The following ASAP1 variants were observed in gnomAD, a reference collection of about 807,000 sequenced individuals.
ASAP1 encodes arf-GAP with SH3 domain, ANK repeat and PH domain-containing protein 1.
Under a neutral mutation model 145.2 loss-of-function variants are expected in ASAP1, and 43 were observed. The ratio of observed to expected loss-of-function variants is 0.30; its 90% CI spans 0.23 to 0.38. The LOEUF is 0.38. ASAP1 is among the 10% of genes least tolerant of loss of function. ASAP1 has a pLI of 1.00. For synonymous variants in ASAP1, 546 were observed against 515.5 expected (o/e 1.06, Z -0.80); for missense variants, 1,018 against 1,355.3 (o/e 0.75, Z 3.91).
At chr8:130,354,871 G>A (rs931736564) in intron 3 of ASAP1, among the ~76,000 whole-genome samples, 1 of 152,148 alleles carries the variant, frequency 6.6e-6, no homozygotes, top group Non-Finnish European at 1.5e-5. Context: ...TAAACCAGAA[G>A]TAAACTCCTC....
intron 3 of ASAP1, among the ~76,000 whole-genome samples, chr8:130,320,457 A>C (rs1333227822): frequency 6.6e-6 from 1 of 152,054 alleles, no homozygotes; most frequent in African/African-American, 2.4e-5. Context: ...TGGTAGGCTG[A>C]GGTGAGAGGA....
At chr8:130,167,679 T>C in intron 10 of ASAP1, 57 bp from the exon 11 acceptor site, 1 of 1,294,998 alleles carries the variant, frequency 7.7e-7, no homozygotes, top group South Asian at 1.2e-5. Context: ...AGGCAGAGTT[T>C]AATTTATCCA....
rs536567074 is a variant in ASAP1 at position 130,443,643 on chromosome 8, A to G, written c.-211T>C. ...CAGGCCAGGCGAGGCGCGGGAGCCG[A>G]GCGCGGCGCAGGAAGGGGCGGGCGA... On this transcript the variant is annotated 5_prime_UTR_variant, in exon 1 of 30. Coordinates refer to ENST00000518721, the MANE Select transcript of ASAP1 (RefSeq NM_018482.4). 1 of 151,638 alleles carries G rather than the reference A, an allele frequency of 6.6e-6. No individual in the cohort carries two copies. Among genetic ancestry groups the G allele is most frequent in the African/African-American group, 2.4e-5 (1 of 41,384 alleles). The allele number at this position is 151,638 out of a possible 1,614,324, so 9.4% of individuals were successfully genotyped here.
chr8:130,056,530 T>G (rs1002170874), intron 29 of ASAP1, among the ~76,000 whole-genome samples: 4 of 152,220 alleles, frequency 2.6e-5, no homozygotes, highest in Non-Finnish European at 4.4e-5. Flanking sequence ...AATCAATATT[T>G]CCAGATATTG....
At chr8:130,108,329 A>G (rs1388489515) in intron 24 of ASAP1, among the ~76,000 whole-genome samples, 2 of 152,234 alleles carry the variant, frequency 1.3e-5, no homozygotes, top group Non-Finnish European at 2.9e-5. Flanking sequence ...GATGGGAATG[A>G]ACTGTAATTA....
intron 27 of ASAP1, among the ~76,000 whole-genome samples, chr8:130,062,255 G>A (rs150553300): frequency 2.6e-5 from 4 of 152,164 alleles, no homozygotes; most frequent in African/African-American, 9.7e-5. Flanking sequence ...CTCACATTAG[G>A]AATTTGATCC....
chr8:130,270,578 C>A (rs1820527415), intron 3 of ASAP1, among the ~76,000 whole-genome samples: 1 of 152,182 alleles, frequency 6.6e-6, no homozygotes, highest in Non-Finnish European at 1.5e-5. Flanking sequence ...TGTCTTTCAA[C>A]TAAAACATGC....
chr8:130,237,132 TC>T, intron 3 of ASAP1, 138 bp from the exon 4 acceptor site: 1 of 629,344 alleles, frequency 1.6e-6, no homozygotes, highest in Non-Finnish European at 2.6e-6. Context: ...TAACAATGAA[TC>T]ATATCAGACT....
chr8:130,405,741 G>A (rs888307935), intron 1 of ASAP1, among the ~76,000 whole-genome samples: 8 of 152,178 alleles, frequency 5.3e-5, no homozygotes, highest in East Asian at 1.9e-4. Flanking sequence ...GAACTAATTC[G>A]AAGTAGGTTA....
chr8:130,129,223 C>CT (rs1462489865), intron 15 of ASAP1, among the ~76,000 whole-genome samples: 3 of 152,204 alleles, frequency 2.0e-5, no homozygotes, highest in Admixed American at 2.0e-4. Context: ...AATTAAACTT[C>CT]TTTCCTTTAT....
At chr8:130,141,650 G>A (rs1320746333) in intron 13 of ASAP1, among the ~76,000 whole-genome samples, 3 of 152,142 alleles carry the variant, frequency 2.0e-5, no homozygotes. Context: ...CAGGCGAAGT[G>A]ATTGTCCTAC....
At chr8:130,143,498 C>G (rs116318722) in intron 13 of ASAP1, among the ~76,000 whole-genome samples, 2,916 of 150,510 alleles carry the variant, frequency 0.019, 96 homozygotes, top group African/African-American at 0.066. Flanking sequence ...ACACAGATGT[C>G]TTCATTTTAC....
chr8:130,230,672 C>A (rs895286548), intron 4 of ASAP1, among the ~76,000 whole-genome samples: 1 of 152,030 alleles, frequency 6.6e-6, no homozygotes, highest in Non-Finnish European at 1.5e-5. Flanking sequence ...CTATCTAAAG[C>A]CTTTTGAGAG....
intron 3 of ASAP1, among the ~76,000 whole-genome samples, chr8:130,307,344 T>C (rs1332811624): frequency 6.8e-6 from 1 of 146,666 alleles, no homozygotes; most frequent in Admixed American, 7.0e-5. Flanking sequence ...GATTTTTATC[T>C]GATCCTGTGG....
chr8:130,357,150 T>C (rs1826364528), intron 3 of ASAP1, among the ~76,000 whole-genome samples: 1 of 152,188 alleles, frequency 6.6e-6, no homozygotes, highest in Non-Finnish European at 1.5e-5. Flanking sequence ...TACCACTCTC[T>C]CATTAACTCA....
intron 2 of ASAP1, among the ~76,000 whole-genome samples, chr8:130,359,770 C>T (rs1007236464): frequency 7.9e-5 from 12 of 152,030 alleles, no homozygotes; most frequent in Non-Finnish European, 1.6e-4. Context: ...ACTACAGGCG[C>T]CCGCCACCGC....
At chr8:130,280,823 G>T (rs1198263862) in intron 3 of ASAP1, among the ~76,000 whole-genome samples, 1 of 152,072 alleles carries the variant, frequency 6.6e-6, no homozygotes, top group Non-Finnish European at 1.5e-5. Context: ...AATAAACAAG[G>T]AAATGATAAT....
At chr8:130,120,554 G>A (rs2097564187) in intron 18 of ASAP1, among the ~76,000 whole-genome samples, 1 of 152,184 alleles carries the variant, frequency 6.6e-6, no homozygotes, top group South Asian at 2.1e-4. Context: ...CCAGAACTAG[G>A]CTTAAAGATG....
At chr8:130,139,765 A>G (rs907840229) in intron 13 of ASAP1, among the ~76,000 whole-genome samples, 1 of 151,872 alleles carries the variant, frequency 6.6e-6, no homozygotes, top group Non-Finnish European at 1.5e-5. Flanking sequence ...AAAACAAAAA[A>G]AAAAAGAAAA....
Sources: allele counts gnomAD v4.1 joint callset (sites outside exome capture counted in the v4.1 genomes callset), GRCh38; gene constraint gnomAD v4.1.1; transcripts MANE v1.5; gene names NCBI Gene and HGNC (gene_info 2026-07-23, HGNC 2026-07-21).